EPS8L2: variants seen among roughly 807,000 people sequenced by gnomAD.
EPS8L2 encodes EPS8 signaling adaptor L2.
In EPS8L2, 81 loss-of-function variants were observed where a neutral mutation model predicts 99.4. The ratio of observed to expected loss-of-function variants is 0.82; its 90% CI spans 0.68 to 0.98. EPS8L2 has a LOEUF of 0.98. Ranked by LOEUF, EPS8L2 falls within the 50% of genes least tolerant of loss-of-function variation. EPS8L2 has a pLI of 0.00. For missense variants in EPS8L2, 1,155 were observed against 968.8 expected, an observed-to-expected ratio of 1.19 and a Z score of -2.55; for synonymous variants, 509 against 407.3, an observed-to-expected ratio of 1.25 and a Z score of -3.01.
chr11:721,013 AG>A, intron 7 of EPS8L2, 50 bp from the exon 8 acceptor site: 1 of 906,540 alleles, frequency 1.1e-6, no homozygotes, highest in Non-Finnish European at 1.5e-6. Flanking sequence ...GCAGGGAGGG[AG>A]GGTCAGGTGC....
At chr11:713,549 AT>A (rs955659394) in intron 4 of EPS8L2, among the ~76,000 whole-genome samples, 1 of 150,054 alleles carries the variant, frequency 6.7e-6, no homozygotes, top group Non-Finnish European at 1.5e-5. Flanking sequence ...GCCTGGCTAA[AT>A]TTTTTTTTCT....
intron 4 of EPS8L2, 99 bp downstream of exon 4, chr11:710,585 C>CGGGCATGGTGGTGCCGG (rs1861860112): frequency 5.0e-6 from 6 of 1,189,844 alleles, no homozygotes; most frequent in Non-Finnish European, 6.2e-6. Flanking sequence ...AATAATTAGA[C>CGGGCATGGTGGTGCCGG]GGGCATGGTG....
intron 4 of EPS8L2, among the ~76,000 whole-genome samples, chr11:715,198 C>T (rs28759512): frequency 0.68 from 102,476 of 151,168 alleles, 35,390 homozygotes; most frequent in African/African-American, 0.77. Flanking sequence ...GCTGAGATTG[C>T]GCCACTGCAC....
Position 720,112 on chromosome 11 carries a change from C to G in EPS8L2, c.216C>G (p.Asp72Glu), listed in dbSNP as rs764416603. Residue 72 changes from aspartate to glutamate, a missense_variant, in exon 5 of 21, where the codon GAC (aspartate) becomes GAG (glutamate). Coordinates refer to ENST00000318562, the MANE Select transcript of EPS8L2 (RefSeq NM_022772.4). ...AGAGCGAAGCCATCACGTCTGTGGA[C>G]GACGCCATCCGGAAGCTGGTGCAGC... ...MDKSEAITSV[D>E]DAIRKLVQLS... The G allele has an allele frequency of 1.9e-6, 3 of 1,613,226 alleles. No homozygotes were observed. The highest frequency in any genetic ancestry group is 3.3e-5 in the Admixed American group (2 of 59,982).
chr11:716,897 T>C (rs1590050859), intron 4 of EPS8L2, among the ~76,000 whole-genome samples: 1 of 152,382 alleles, frequency 6.6e-6, no homozygotes, highest in Admixed American at 6.5e-5. Flanking sequence ...GGTTGTATTG[T>C]GTGTTTCAGG....
intron 19 of EPS8L2, 55 bp downstream of exon 19, chr11:726,539 C>A: frequency 6.6e-7 from 1 of 1,508,006 alleles, no homozygotes; most frequent in Non-Finnish European, 8.9e-7. Flanking sequence ...GAGGTGCGGC[C>A]GAAGGTGCGC....
chr11:721,455 C>T (rs1862171897), intron 9 of EPS8L2, 103 bp downstream of exon 9: 3 of 1,489,546 alleles, frequency 2.0e-6, no homozygotes, highest in Non-Finnish European at 8.9e-7. Flanking sequence ...GTGGCTGCCC[C>T]TCCGAAGGTG....
In EPS8L2 at chr11:721,765, G is replaced by T. The variant is rs765136825; in HGVS notation, c.895+74G>T. 3.5e-5 allele frequency: 54 copies of T among 1,548,592 alleles called. No homozygotes were observed. In the African/African-American group the frequency reaches 5.7e-4, roughly 16 times the overall value. On this transcript the variant is annotated intron_variant, in intron 10 of 20. Coordinates refer to ENST00000318562, the MANE Select transcript of EPS8L2 (RefSeq NM_022772.4). ...AGGTGCAGGGGACAGGGACGGGGAC[G>T]GGGCCAGGGACATCCATGGGGGCTA...
Position 720,863 on chromosome 11 carries a change from T to C in EPS8L2, c.511T>C (p.Leu171=), listed in dbSNP as rs1862139163. 1.3e-6 allele frequency: 2 copies of C among 1,484,206 alleles called. No individual in the cohort carries two copies. Among genetic ancestry groups the C allele is most frequent in the Non-Finnish European group, 1.8e-6 (2 of 1,112,162 alleles). The allele number at this position is 1,484,206 out of a possible 1,614,324, so 91.9% of individuals were successfully genotyped here. The change falls in exon 7 of 21, where the codon TTG becomes CTG. Residue 171 remains leucine, a synonymous_variant. Coordinates refer to ENST00000318562, the MANE Select transcript of EPS8L2 (RefSeq NM_022772.4). Reference sequence around the variant, plus strand: ...GGTGCACGAGGACATCGAGAGCGCGTTGGCCGACTGCCGGCTGGGCAAGAA... The same window carrying C: ...GGTGCACGAGGACATCGAGAGCGCGCTGGCCGACTGCCGGCTGGGCAAGAA... ...ELVHEDIESA[L]ADCRLGKKMR...
chr11:708,742 C>A (rs1183736683), intron 1 of EPS8L2: 2 of 152,538 alleles, frequency 1.3e-5, no homozygotes, highest in Non-Finnish European at 2.9e-5. Context: ...AAGGGCCAGC[C>A]TCTTTGCTGG....
At chr11:715,940 G>A (rs61876716) in intron 4 of EPS8L2, among the ~76,000 whole-genome samples, 15,321 of 144,986 alleles carry the variant, frequency 0.11, 1,005 homozygotes, top group Admixed American at 0.17. Flanking sequence ...TTTCCTACCT[G>A]CTTAAGGTGA....
chr11:721,372 A>C lies in EPS8L2; in HGVS notation c.768+20A>C. 1 of 1,539,468 alleles carries C rather than the reference A, an allele frequency of 6.5e-7. No homozygotes were observed. The highest frequency in any genetic ancestry group is 1.2e-5 in the South Asian group (1 of 83,764). On this transcript the variant is annotated intron_variant, in intron 9 of 20. Transcript: ENST00000318562. ...GAGACGGTGGGTGCCCGGGCCCGGC[A>C]GGTGGCCCCTCTCTTCCCCGCCCCC...
chr11:709,701 C>A, intron 3 of EPS8L2, 93 bp downstream of exon 3: 1 of 1,434,102 alleles, frequency 7.0e-7, no homozygotes, highest in Non-Finnish European at 9.6e-7. Flanking sequence ...CACAGCTGTG[C>A]CTGGTCTGGC....
chr11:722,916 T>C (rs60180698), intron 14 of EPS8L2, 111 bp downstream of exon 14: 52,513 of 368,360 alleles, frequency 0.14, 3,047 homozygotes, highest in Non-Finnish European at 0.16. Flanking sequence ...CCCCCAGCCC[T>C]GACACCCACC....
At chr11:721,466 T>C (rs2133528495) in intron 9 of EPS8L2, 99 bp from the exon 10 acceptor site, 2 of 1,494,438 alleles carry the variant, frequency 1.3e-6, no homozygotes, top group South Asian at 1.3e-5. Flanking sequence ...TCCGAAGGTG[T>C]GGGGCCCAGC....
At chr11:711,997 A>C (rs893593960) in intron 4 of EPS8L2, among the ~76,000 whole-genome samples, 1 of 150,066 alleles carries the variant, frequency 6.7e-6, no homozygotes, top group Non-Finnish European at 1.5e-5. Context: ...AAGAGAAAAA[A>C]AAAAGGGACC....
rs944111899 is a variant in EPS8L2, at chr11:709,742, T to G, written c.100+134T>G. The G allele has an allele frequency of 2.0e-5, 20 of 1,014,882 alleles. No individual in the cohort carries two copies. The Admixed American group carries it at 4.2e-4, about 21-fold the overall frequency. 62.9% of individuals were successfully genotyped at this position (1,014,882 alleles called of 1,614,324 possible). A position where few individuals can be genotyped will look rare whatever the true frequency, so the allele number is the denominator to read the frequency against. On this transcript the variant is annotated intron_variant, in intron 3 of 20. Transcript: ENST00000318562. ...GGATCTCCGGGTGCCCAGGGAGGCCTCTGGACCCTAATCAACCTTCCGAAA... is the reference window on the plus strand; with the variant it reads ...GGATCTCCGGGTGCCCAGGGAGGCCGCTGGACCCTAATCAACCTTCCGAAA...
intron 4 of EPS8L2, among the ~76,000 whole-genome samples, chr11:713,776 C>T (rs1360786944): frequency 4.6e-5 from 7 of 152,128 alleles, no homozygotes; most frequent in Non-Finnish European, 1.0e-4. Flanking sequence ...GAACTCCTGA[C>T]CTCAATTGAT....
rs1466676181 is a variant in EPS8L2 at position 726,630 on chromosome 11, A to C, written c.1946A>C (p.Asn649Thr). 32 of 1,553,326 alleles carry C rather than the reference A, an allele frequency of 2.1e-5. No individual in the cohort carries two copies. Among genetic ancestry groups the C allele is most frequent in the Non-Finnish European group, 2.7e-5 (31 of 1,148,910 alleles). Reference sequence around the variant, plus strand: ...CTGCCCGCCCCCAGGATCGTGGAGAACCTGGGCATCCTGACCGGGCCGCAG... The same window carrying C: ...CTGCCCGCCCCCAGGATCGTGGAGACCCTGGGCATCCTGACCGGGCCGCAG... ...AKAFSPRIVENLGILTGPQLF... is the reference protein window; with the variant it reads ...AKAFSPRIVETLGILTGPQLF... Residue 649 changes from asparagine (N) to threonine (T), a missense_variant, in exon 20 of 21, where the codon AAC becomes ACC. By Grantham distance (65) the Asn-to-Thr change is moderately conservative (BLOSUM62 0). Transcript: ENST00000318562.
Sources: allele counts gnomAD v4.1 joint callset (sites outside exome capture counted in the v4.1 genomes callset), GRCh38; gene constraint gnomAD v4.1.1; transcripts MANE v1.5; gene names NCBI Gene and HGNC (gene_info 2026-07-23, HGNC 2026-07-21).